ZFHX3: variants seen among roughly 807,000 people sequenced by gnomAD.
ZFHX3 encodes the protein zinc finger homeobox protein 3.
ZFHX3 carries 42 observed loss-of-function variants against 279.1 expected under a neutral mutation model. The ratio of observed to expected loss-of-function variants is 0.15; its 90% CI spans 0.12 to 0.19. The LOEUF is 0.19. Among genes scored for constraint, ZFHX3 ranks in the 10% least tolerant of loss-of-function variants. The pLI, the probability that ZFHX3 is intolerant of heterozygous loss-of-function variation, is 1.00. For synonymous variants in ZFHX3, 2,293 were observed against 1,957.8 expected, an observed-to-expected ratio of 1.17 and a Z score of -4.52; for missense variants, 4,981 against 4,754.0, an observed-to-expected ratio of 1.05 and a Z score of -1.40.
intron 5 of ZFHX3, among the ~76,000 whole-genome samples, chr16:73,220,598 G>A (rs978508008): frequency 2.6e-5 from 4 of 152,106 alleles, no homozygotes; most frequent in South Asian, 2.1e-4. Flanking sequence ...TTCTTTGACC[G>A]TAGAATCCCT....
At chr16:73,599,253 TA>T (rs1322704796) in intron 2 of ZFHX3, among the ~76,000 whole-genome samples, 1 of 152,180 alleles carries the variant, frequency 6.6e-6, no homozygotes. Flanking sequence ...AGGAGAGCCA[TA>T]AGTTGGAGTC....
In ZFHX3 at chr16:73,798,183, A is replaced by G. The variant is rs186305260; in HGVS notation, c.-1608+93468T>C. ...ACTATAATGTTCAGACCAATTGTGC[A>G]TTCAAGACTGGGCTTTGGTTTGTTG... On this transcript the variant is annotated intron_variant, in intron 1 of 17. Transcript: ENST00000641206. Among the ~76,000 whole-genome samples, 5 of 152,264 alleles carry G rather than the reference A, an allele frequency of 3.3e-5. No individual in the cohort carries two copies. In the East Asian group the frequency reaches 9.7e-4, roughly 29 times the overall value.
At chr16:73,824,449 G>A (rs1440193001) in intron 1 of ZFHX3, among the ~76,000 whole-genome samples, 1 of 93,182 alleles carries the variant, frequency 1.1e-5, no homozygotes, top group East Asian at 3.2e-4. Flanking sequence ...TGTGCACATT[G>A]TGCAGGTTAG....
intron 4 of ZFHX3, among the ~76,000 whole-genome samples, chr16:72,854,875 G>A (rs1487750529): frequency 9.1e-6 from 1 of 109,528 alleles, no homozygotes; most frequent in Non-Finnish European, 1.7e-5. Context: ...CATAATTAGT[G>A]TCAAAATGGA....
intron 4 of ZFHX3, among the ~76,000 whole-genome samples, chr16:72,870,907 T>C (rs1381723034): frequency 2.0e-5 from 3 of 152,168 alleles, no homozygotes; most frequent in Non-Finnish European, 4.4e-5. Flanking sequence ...AAAATATCTT[T>C]GTTCTTAGGA....
intron 4 of ZFHX3, among the ~76,000 whole-genome samples, chr16:72,862,570 A>C (rs777882164): frequency 6.6e-6 from 1 of 152,238 alleles, no homozygotes; most frequent in Non-Finnish European, 1.5e-5. Flanking sequence ...AATGGCTAAT[A>C]ACATCACAAA....
At chr16:73,318,866 T>C (rs2015511867) in intron 3 of ZFHX3, among the ~76,000 whole-genome samples, 2 of 152,178 alleles carry the variant, frequency 1.3e-5, no homozygotes, top group African/African-American at 2.4e-5. Flanking sequence ...TCAGCGCCCC[T>C]GCATAAATCA....
chr16:73,637,621 G>C (rs2052539318), intron 2 of ZFHX3, among the ~76,000 whole-genome samples: 1 of 152,028 alleles, frequency 6.6e-6, no homozygotes. Context: ...TAGCTATTAT[G>C]TTATTTTTTA....
chr16:72,797,131 G>T lies in ZFHX3; in HGVS notation c.5551C>A (p.Pro1851Thr). 6.2e-7 allele frequency: 1 copy of T among 1,613,822 alleles called. No individual in the cohort carries two copies. Among genetic ancestry groups the T allele is most frequent in the Non-Finnish European group, 8.5e-7 (1 of 1,180,000 alleles). The part of the protein sequence containing the change: ...VPQQSHQQIL[P>T]QQQQNQLSIA... ...GAGAGTTGGTTCTGCTGCTGCTGCGGCAAGATCTGCTGATGGCTCTGCTGT... is the reference window on the plus strand; with the variant it reads ...GAGAGTTGGTTCTGCTGCTGCTGCGTCAAGATCTGCTGATGGCTCTGCTGT... The change falls in exon 9 of 10, where the codon CCG (proline) becomes ACG (threonine). Residue 1851 changes from proline to threonine, a missense_variant. Coordinates refer to ENST00000268489, the MANE Select transcript of ZFHX3 (RefSeq NM_006885.4).
chr16:73,684,695 CTTTT>C (rs201167110), intron 1 of ZFHX3, among the ~76,000 whole-genome samples: 1 of 137,498 alleles, frequency 7.3e-6, no homozygotes. Flanking sequence ...CACAAGGGTC[CTTTT>C]TTTTTTTTTT....
intron 4 of ZFHX3, among the ~76,000 whole-genome samples, chr16:72,868,597 C>T (rs1330369253): frequency 6.6e-6 from 1 of 152,224 alleles, no homozygotes; most frequent in Non-Finnish European, 1.5e-5. Flanking sequence ...TTGCTTCTCC[C>T]CCTCCACCCG....
chr16:73,471,053 T>G (rs1023439918), intron 2 of ZFHX3, among the ~76,000 whole-genome samples: 2 of 152,246 alleles, frequency 1.3e-5, no homozygotes, highest in African/African-American at 4.8e-5. Context: ...TTTTTTTCTT[T>G]AAATATTTCT....
intron 1 of ZFHX3, among the ~76,000 whole-genome samples, chr16:73,033,582 C>A (rs989570089): frequency 6.6e-6 from 1 of 152,156 alleles, no homozygotes; most frequent in African/African-American, 2.4e-5. Context: ...AACTTTTCAC[C>A]CGGGGTCAGA....
At chr16:73,705,386 C>T (rs1312080105) in intron 1 of ZFHX3, among the ~76,000 whole-genome samples, 1 of 152,086 alleles carries the variant, frequency 6.6e-6, no homozygotes, top group Non-Finnish European at 1.5e-5. Flanking sequence ...AGGGTGAGAG[C>T]AGCAAAGTAA....
At chr16:72,941,370 A>G (rs2144346915) in intron 3 of ZFHX3, among the ~76,000 whole-genome samples, 1 of 152,336 alleles carries the variant, frequency 6.6e-6, no homozygotes, top group Non-Finnish European at 1.5e-5. Flanking sequence ...AACGGGTTTC[A>G]CAAACAAGGA....
At chr16:73,093,431 G>A in exon 8 of ZFHX3, 1 of 481,498 alleles carries the variant, frequency 2.1e-6, no homozygotes, top group Non-Finnish European at 4.2e-6. Context: ...CCGTTTGAGG[G>A]CCCCTTTCGC....
At chr16:73,669,689 T>C (rs1406065991) in intron 2 of ZFHX3, among the ~76,000 whole-genome samples, 2 of 152,234 alleles carry the variant, frequency 1.3e-5, no homozygotes, top group East Asian at 3.9e-4. Context: ...CTGCTTTTTC[T>C]TTTCACTAGC....
intron 1 of ZFHX3, among the ~76,000 whole-genome samples, chr16:73,023,489 A>C (rs1964383859): frequency 6.6e-6 from 1 of 152,164 alleles, no homozygotes; most frequent in African/African-American, 2.4e-5. Flanking sequence ...GCACAGCAAG[A>C]CAAGTGTGCA....
intron 4 of ZFHX3, among the ~76,000 whole-genome samples, chr16:73,316,176 G>A (rs1010901272): frequency 3.9e-5 from 6 of 152,202 alleles, no homozygotes; most frequent in Non-Finnish European, 5.9e-5. Flanking sequence ...AAGACAGCAG[G>A]AGAAAAATCC....
Sources: gnomAD v4.1 joint callset for allele counts (sites outside exome capture counted in the v4.1 genomes callset) on GRCh38, gnomAD v4.1.1 for gene constraint, MANE v1.5 for transcripts, NCBI Gene and HGNC (gene_info 2026-07-23, HGNC 2026-07-21) for gene names.